SORCS3: variants seen among roughly 807,000 people sequenced by gnomAD.
The protein encoded by SORCS3 is sortilin related VPS10 domain containing receptor 3, also known as VPS10 domain-containing receptor SorCS3.
In SORCS3, 57 loss-of-function variants were observed where a neutral mutation model predicts 146.3. The ratio of observed to expected loss-of-function variants is 0.39; its 90% CI spans 0.31 to 0.49. The LOEUF (loss-of-function observed/expected upper bound fraction) is 0.49. SORCS3 is among the 20% of genes least tolerant of loss of function. The pLI, the probability that SORCS3 is intolerant of heterozygous loss-of-function variation, is 0.92. For missense variants in SORCS3, 1,341 were observed against 1,575.5 expected (o/e 0.85, Z 2.52); for synonymous variants, 653 against 618.5 (o/e 1.06, Z -0.83).
chr10:104,748,887 C>T (rs569909130), intron 1 of SORCS3, among the ~76,000 whole-genome samples: 14 of 152,134 alleles, frequency 9.2e-5, no homozygotes, highest in Non-Finnish European at 1.8e-4. Context: ...GATTCTCCTT[C>T]CGGGTCTCTA....
intron 3 of SORCS3, among the ~76,000 whole-genome samples, chr10:104,960,049 C>A (rs1246177385): frequency 6.6e-6 from 1 of 152,138 alleles, no homozygotes; most frequent in Non-Finnish European, 1.5e-5. Context: ...TTGATCACAT[C>A]TAGCATTTAG....
chr10:104,732,924 G>T (rs1378263137), intron 1 of SORCS3, among the ~76,000 whole-genome samples: 1 of 152,146 alleles, frequency 6.6e-6, no homozygotes, highest in Non-Finnish European at 1.5e-5. Context: ...GCCTCTTTCA[G>T]GCCCCATTCA....
chr10:104,829,770 G>C (rs972060962), intron 1 of SORCS3, among the ~76,000 whole-genome samples: 1 of 152,106 alleles, frequency 6.6e-6, no homozygotes, highest in African/African-American at 2.4e-5. Flanking sequence ...CAGGGATCTG[G>C]TCACCCTCTT....
intron 10 of SORCS3, 49 bp from the exon 11 acceptor site, chr10:105,158,843 C>G (rs777299002): frequency 7.0e-7 from 1 of 1,419,774 alleles, no homozygotes; most frequent in Non-Finnish European, 9.9e-7. Flanking sequence ...GGCAGGGGTA[C>G]AGGTGTCTGG....
At chr10:105,110,009 C>A (rs1276840393) in intron 7 of SORCS3, among the ~76,000 whole-genome samples, 2 of 151,746 alleles carry the variant, frequency 1.3e-5, no homozygotes, top group Non-Finnish European at 2.9e-5. Flanking sequence ...TCTTCCAGGA[C>A]ATCTAGGATG....
At chr10:104,918,407 A>G (rs1053800877) in intron 3 of SORCS3, among the ~76,000 whole-genome samples, 2 of 152,228 alleles carry the variant, frequency 1.3e-5, no homozygotes, top group Admixed American at 6.5e-5. Flanking sequence ...GCATCAGCTC[A>G]TCTTTTGCAG....
At chr10:104,664,192 A>G (rs1347293332) in intron 1 of SORCS3, among the ~76,000 whole-genome samples, 1 of 152,192 alleles carries the variant, frequency 6.6e-6, no homozygotes. Context: ...ACTAGGCAGC[A>G]GTTCCATCTG....
At position 104,751,951 on chromosome 10, in the gene SORCS3, AT is replaced by A. The variant is rs1564675424; in HGVS notation, c.628-90840del. Among the ~76,000 whole-genome samples the A allele has an allele frequency of 5.4e-3, 625 of 116,736 alleles. 18 individuals are homozygous for A. The highest frequency in any genetic ancestry group is 0.022 in the African/African-American group (591 of 26,314). The allele number at this position is 116,736 out of a possible 152,430, so 76.6% of individuals were successfully genotyped here. ...TATATATATATATATATATATATAT[AT>A]ATATATATATATATATAATAGTTTA... is the stretch of plus-strand genomic sequence containing the variant. On this transcript the variant is annotated intron_variant, in intron 1 of 26. Coordinates refer to ENST00000369701, the MANE Select transcript of SORCS3 (RefSeq NM_014978.3).
chr10:104,849,634 A>T (rs1333469816), intron 2 of SORCS3, among the ~76,000 whole-genome samples: 3 of 152,180 alleles, frequency 2.0e-5, no homozygotes, highest in Admixed American at 2.0e-4. Context: ...ACTTTTCCAT[A>T]AAAATAGAAT....
chr10:104,650,105 A>G (rs1415899339), intron 1 of SORCS3, among the ~76,000 whole-genome samples: 1 of 152,138 alleles, frequency 6.6e-6, no homozygotes, highest in African/African-American at 2.4e-5. Flanking sequence ...TATCACATGG[A>G]TTGGAGCTAT....
At chr10:104,942,177 C>G (rs772378844) in intron 3 of SORCS3, among the ~76,000 whole-genome samples, 4 of 152,072 alleles carry the variant, frequency 2.6e-5, no homozygotes, top group Non-Finnish European at 5.9e-5. Flanking sequence ...TGGAATCTGA[C>G]CAGTGAAACA....
At chr10:105,134,348 C>T (rs768432665) in intron 7 of SORCS3, among the ~76,000 whole-genome samples, 10 of 152,050 alleles carry the variant, frequency 6.6e-5, no homozygotes, top group African/African-American at 1.2e-4. Flanking sequence ...ATTATGTATC[C>T]GCTGGTCATC....
In SORCS3 at chr10:104,758,445, G is replaced by A. The variant is rs1043939937; in HGVS notation, c.628-84347G>A. Among the ~76,000 whole-genome samples, 9 of 152,132 alleles carry A rather than the reference G, an allele frequency of 5.9e-5. No homozygotes were observed. The East Asian group carries it at 1.2e-3, about 20-fold the overall frequency. On this transcript the variant is annotated intron_variant, in intron 1 of 26. Transcript: ENST00000369701. ...TACATGTTTATCAAGTGGTCACCCAGTATAAAGTATGGCACAGCCTTGAAC... is the reference window on the plus strand; with the variant it reads ...TACATGTTTATCAAGTGGTCACCCAATATAAAGTATGGCACAGCCTTGAAC...
chr10:104,871,827 G>C lies in SORCS3; in HGVS notation c.695+28968G>C, dbSNP rs138940632. 5.5e-3 allele frequency among the ~76,000 whole-genome samples: 842 copies of C among 152,238 alleles called. 14 individuals carry two copies. Among genetic ancestry groups the C allele is most frequent in the African/African-American group, 0.019 (782 of 41,542 alleles). ...GAGGTGAGGGCAGGGAGTTCCTGGG[G>C]TGATGGGCAGATCCTGGATTGTGAG... is the stretch of plus-strand genomic sequence containing the variant. On this transcript the variant is annotated intron_variant, in intron 2 of 26. Transcript: ENST00000369701.
intron 3 of SORCS3, among the ~76,000 whole-genome samples, chr10:104,967,289 G>C (rs527695803): frequency 2.6e-5 from 4 of 152,296 alleles, no homozygotes; most frequent in Admixed American, 2.0e-4. Context: ...CAAAATGCAT[G>C]TAAAGTGAAT....
chr10:105,253,741 C>T (rs1182702404), intron 23 of SORCS3, among the ~76,000 whole-genome samples: 1 of 152,144 alleles, frequency 6.6e-6, no homozygotes, highest in Non-Finnish European at 1.5e-5. Flanking sequence ...TGGCCATCAC[C>T]CCATCCTTAC....
At chr10:104,765,323 C>A (rs997999391) in intron 1 of SORCS3, among the ~76,000 whole-genome samples, 3 of 152,180 alleles carry the variant, frequency 2.0e-5, no homozygotes, top group Non-Finnish European at 4.4e-5. Context: ...CAAACAAATA[C>A]CAACATGAAG....
At chr10:105,133,669 C>T (rs1049773713) in intron 7 of SORCS3, among the ~76,000 whole-genome samples, 1 of 152,144 alleles carries the variant, frequency 6.6e-6, no homozygotes, top group Non-Finnish European at 1.5e-5. Context: ...AGACTAGATG[C>T]AGTGGCTCAT....
chr10:104,984,002 T>C (rs955073439), intron 4 of SORCS3, among the ~76,000 whole-genome samples: 1 of 152,142 alleles, frequency 6.6e-6, no homozygotes, highest in African/African-American at 2.4e-5. Context: ...AGCAACCTGA[T>C]CAAGAAACAC....
Sources: gnomAD v4.1 joint callset for allele counts (sites outside exome capture counted in the v4.1 genomes callset) on GRCh38, gnomAD v4.1.1 for gene constraint, MANE v1.5 for transcripts, NCBI Gene and HGNC (gene_info 2026-07-23, HGNC 2026-07-21) for gene names.